PARD3B: variants seen among roughly 807,000 people sequenced by gnomAD.
PARD3B encodes par-3 family cell polarity regulator beta.
Under a neutral mutation model 130.2 loss-of-function variants are expected in PARD3B, and 103 were observed. The ratio of observed to expected loss-of-function variants is 0.79; its 90% CI spans 0.67 to 0.93. The LOEUF is 0.93. Among genes scored for constraint, PARD3B ranks in the 40% least tolerant of loss-of-function variants. The pLI, the probability that PARD3B is intolerant of heterozygous loss-of-function variation, is 0.00. For missense variants in PARD3B, 1,609 were observed against 1,499.2 expected (o/e 1.07, Z -1.21); for synonymous variants, 583 against 553.2 (o/e 1.05, Z -0.76).
intron 18 of PARD3B, among the ~76,000 whole-genome samples, chr2:205,346,008 T>TA (rs563759686): frequency 0.011 from 1,247 of 115,600 alleles, 324 homozygotes; most frequent in East Asian, 0.028. Flanking sequence ...CTGTCTCTAC[T>TA]AAAATACAAA....
intron 4 of PARD3B, among the ~76,000 whole-genome samples, chr2:205,050,714 C>CT (rs543498428): frequency 7.9e-4 from 113 of 143,906 alleles, no homozygotes; most frequent in East Asian, 6.7e-3. Flanking sequence ...CCTGTTTTTA[C>CT]TTTTTTTTTT....
chr2:205,370,666 A>G (rs902764641), intron 18 of PARD3B, among the ~76,000 whole-genome samples: 1 of 152,352 alleles, frequency 6.6e-6, no homozygotes, highest in South Asian at 2.1e-4. Context: ...TCTTGGATGC[A>G]GTAGAGGGGA....
In PARD3B at chr2:205,121,614, C is replaced by G; in HGVS notation, c.830C>G (p.Ala277Gly). 1 of 1,613,006 alleles carries G rather than the reference C, an allele frequency of 6.2e-7. No homozygotes were observed. The highest frequency in any genetic ancestry group is 1.3e-5 in the African/African-American group (1 of 75,008). Residue 277 changes from alanine to glycine, a missense_variant, in exon 8 of 23, where the codon GCA becomes GGA. Transcript: ENST00000406610. The surrounding 1 kb of genome is among the most constrained non-coding windows in gnomAD (Gnocchi z 5.0). Reference sequence around the variant, plus strand: ...AGGGCTCAAGATGTCTTCCGCCAGGCAATGAAATCTCCAAGTGTGCTCCTC... The same window carrying G: ...AGGGCTCAAGATGTCTTCCGCCAGGGAATGAAATCTCCAAGTGTGCTCCTC... The part of the protein sequence containing the change: ...FAQAQDVFRQ[A>G]MKSPSVLLHV...
rs199515695 is a variant in PARD3B at position 205,254,664 on chromosome 2, AT to A, written c.2185+8846del. ...GTGATGAATTTCAGTATTTTATTTT[AT>A]TTTATTTTTTTTTTTTGAGATGGAG... On this transcript the variant is annotated intron_variant, in intron 16 of 22. Coordinates refer to ENST00000406610, the MANE Select transcript of PARD3B (RefSeq NM_001302769.2). Among the ~76,000 whole-genome samples the A allele has an allele frequency of 4.3e-3, 548 of 128,426 alleles. 2 individuals carry two copies. Among genetic ancestry groups the A allele is most frequent in the African/African-American group, 0.016 (479 of 30,574 alleles). The allele number at this position is 128,426 out of a possible 152,430, so 84.3% of individuals were successfully genotyped here. A position where few individuals can be genotyped will look rare whatever the true frequency, so the allele number is the denominator to read the frequency against.
intron 3 of PARD3B, among the ~76,000 whole-genome samples, chr2:205,036,204 C>CTA (rs1352975208): frequency 1.4e-5 from 2 of 140,326 alleles, no homozygotes; most frequent in South Asian, 2.2e-4. Flanking sequence ...ATATAGTGGA[C>CTA]TATATATATA....
In PARD3B at chr2:205,575,594, C is replaced by G. The variant is rs13421624; in HGVS notation, c.3260+22191C>G. Reference sequence around the variant, plus strand: ...CTTTTTGCTGTCTTCATAGTTCTAACTTTTAGTATGTCATATGCTTGGAAT... The same window carrying G: ...CTTTTTGCTGTCTTCATAGTTCTAAGTTTTAGTATGTCATATGCTTGGAAT... On this transcript the variant is annotated intron_variant, in intron 22 of 22. Transcript: ENST00000406610. This position sits in a 1 kb window ranked among gnomAD's most constrained non-coding sequence, Gnocchi z 4.6. 6.6e-6 allele frequency among the ~76,000 whole-genome samples: 1 copy of G among 152,156 alleles called. No homozygotes were observed. Among genetic ancestry groups the G allele is most frequent in the African/African-American group, 2.4e-5 (1 of 41,434 alleles).
intron 19 of PARD3B, among the ~76,000 whole-genome samples, chr2:205,437,018 G>A (rs16837340): frequency 0.015 from 2,268 of 151,808 alleles, 45 homozygotes; most frequent in African/African-American, 0.051. Context: ...ACAATTCCAG[G>A]GTCCTATTCC....
chr2:204,781,564 T>C (rs1205000833), intron 2 of PARD3B, among the ~76,000 whole-genome samples: 1 of 152,114 alleles, frequency 6.6e-6, no homozygotes, highest in Non-Finnish European at 1.5e-5. Context: ...GCAATAAGGA[T>C]TCAGCTGTCA....
intron 1 of PARD3B, among the ~76,000 whole-genome samples, chr2:204,627,887 T>C (rs1226189236): frequency 2.0e-5 from 3 of 152,014 alleles, no homozygotes; most frequent in Non-Finnish European, 4.4e-5. Context: ...AATTTTATAA[T>C]CTAGATCAAG....
At chr2:205,481,425 A>T (rs2049231007) in intron 20 of PARD3B, among the ~76,000 whole-genome samples, 1 of 152,122 alleles carries the variant, frequency 6.6e-6, no homozygotes, top group East Asian at 1.9e-4. Flanking sequence ...TGGAAGGCTA[A>T]TGTGGGAATG....
intron 4 of PARD3B, among the ~76,000 whole-genome samples, chr2:205,053,138 T>C (rs1352490022): frequency 3.3e-5 from 5 of 152,080 alleles, no homozygotes; most frequent in African/African-American, 1.2e-4. Context: ...TTGAGGAATT[T>C]CCCCTCATAT....
At chr2:205,277,834 A>G (rs1333082858) in intron 16 of PARD3B, among the ~76,000 whole-genome samples, 2 of 152,198 alleles carry the variant, frequency 1.3e-5, no homozygotes, top group Non-Finnish European at 1.5e-5. Flanking sequence ...AGGGAGCCCT[A>G]CAGGAGTAAT....
chr2:204,551,044 C>G (rs2030419307), intron 1 of PARD3B, among the ~76,000 whole-genome samples: 1 of 152,148 alleles, frequency 6.6e-6, no homozygotes, highest in African/African-American at 2.4e-5. Context: ...AGCATGTGGA[C>G]AGAACTGACT....
chr2:204,614,091 C>A (rs193030241), intron 1 of PARD3B, among the ~76,000 whole-genome samples: 3 of 152,098 alleles, frequency 2.0e-5, no homozygotes, highest in Admixed American at 2.0e-4. Flanking sequence ...GCAGCAGTTC[C>A]TTAACCATTA....
At chr2:205,191,945 C>CTTT (rs2036422819) in intron 14 of PARD3B, among the ~76,000 whole-genome samples, 1 of 152,136 alleles carries the variant, frequency 6.6e-6, no homozygotes, top group Non-Finnish European at 1.5e-5. Flanking sequence ...CCTCAAACTC[C>CTTT]TAGACTCAAG....
chr2:205,516,045 A>C (rs1474461293), intron 21 of PARD3B, among the ~76,000 whole-genome samples: 2 of 152,172 alleles, frequency 1.3e-5, no homozygotes, highest in African/African-American at 4.8e-5. Flanking sequence ...CATTTATTGA[A>C]GAGGGAGTCT....
At chr2:204,940,523 G>A (rs1488964873) in intron 2 of PARD3B, among the ~76,000 whole-genome samples, 1 of 151,680 alleles carries the variant, frequency 6.6e-6, no homozygotes, top group African/African-American at 2.4e-5. Context: ...CTGTGTCTGG[G>A]GTTGATTTCA....
chr2:205,540,134 A>G lies in PARD3B; in HGVS notation c.3181-13190A>G, dbSNP rs144176418. On this transcript the variant is annotated intron_variant, in intron 21 of 22. Coordinates refer to ENST00000406610, the MANE Select transcript of PARD3B (RefSeq NM_001302769.2). ...ATCCATGTCTTGGCTCATGTGAGAC[A>G]CTTGGGCTGATTTTTTGTTGTTGTT... Among the ~76,000 whole-genome samples the G allele has an allele frequency of 7.0e-3, 1,063 of 152,100 alleles. 19 individuals are homozygous for G. Among genetic ancestry groups the G allele is most frequent in the African/African-American group, 0.024 (1,014 of 41,484 alleles).
chr2:205,359,774 C>T (rs889275828), intron 18 of PARD3B, among the ~76,000 whole-genome samples: 1 of 151,956 alleles, frequency 6.6e-6, no homozygotes, highest in African/African-American at 2.4e-5. Context: ...TGTATATGGA[C>T]ATCTGCTTAG....
Sources: allele counts gnomAD v4.1 joint callset (sites outside exome capture counted in the v4.1 genomes callset), GRCh38; gene constraint gnomAD v4.1.1; non-coding constraint Gnocchi (gnomAD v3.1); transcripts MANE v1.5; gene names NCBI Gene and HGNC (gene_info 2026-07-23, HGNC 2026-07-21).